The following AGPS variants were observed in gnomAD, a reference collection of about 807,000 sequenced individuals.
AGPS encodes alkyldihydroxyacetonephosphate synthase, peroxisomal.
In AGPS, 26 loss-of-function variants were observed where a neutral mutation model predicts 90.7. The ratio of observed to expected loss-of-function variants is 0.29; its 90% CI spans 0.21 to 0.40. The LOEUF (loss-of-function observed/expected upper bound fraction) is 0.40. Among genes scored for constraint, AGPS ranks in the 10% least tolerant of loss-of-function variants. The probability of loss-of-function intolerance (pLI) is 1.00; values close to 1 mark genes in which losing one functional copy is unlikely to be tolerated. For synonymous variants in AGPS, 294 were observed against 285.3 expected, an observed-to-expected ratio of 1.03 and a Z score of -0.31; for missense variants, 540 against 816.1, an observed-to-expected ratio of 0.66 and a Z score of 4.12.
At chr2:177,479,672 G>A (rs1320179606) in intron 10 of AGPS, among the ~76,000 whole-genome samples, 3 of 152,182 alleles carry the variant, frequency 2.0e-5, no homozygotes, top group Non-Finnish European at 4.4e-5. Flanking sequence ...CCAGTCAGAA[G>A]GCCAGATATT....
chr2:177,394,472 C>T (rs1685111865), intron 1 of AGPS, among the ~76,000 whole-genome samples: 1 of 152,046 alleles, frequency 6.6e-6, no homozygotes, highest in African/African-American at 2.4e-5. Flanking sequence ...TGCTGAGACT[C>T]AAGTGTAGTA....
chr2:177,429,712 G>C (rs976788436), intron 2 of AGPS, among the ~76,000 whole-genome samples: 1 of 152,136 alleles, frequency 6.6e-6, no homozygotes, highest in Admixed American at 6.5e-5. Context: ...TCCCAGGGTG[G>C]GTAGTGACCT....
At chr2:177,433,357 A>G (rs1417850335) in intron 2 of AGPS, among the ~76,000 whole-genome samples, 9 of 152,370 alleles carry the variant, frequency 5.9e-5, no homozygotes, top group East Asian at 3.9e-4. Context: ...AATGTCTCAG[A>G]TTCAATTATA....
chr2:177,450,976 T>A (rs867332389), intron 8 of AGPS, among the ~76,000 whole-genome samples: 2 of 938 alleles, frequency 2.1e-3, no homozygotes, highest in East Asian at 0.028. Flanking sequence ...ATATATATAT[T>A]TTAGAGACAA....
intron 2 of AGPS, 79 bp from the exon 3 acceptor site, chr2:177,434,248 A>G (rs1031249463): frequency 1.2e-4 from 120 of 1,014,150 alleles, no homozygotes; most frequent in Middle Eastern, 4.4e-4. Context: ...CTGCTTGACC[A>G]TCACTGGAAG....
intron 7 of AGPS, among the ~76,000 whole-genome samples, chr2:177,442,731 C>T (rs554007238): frequency 6.1e-4 from 92 of 151,246 alleles, no homozygotes; most frequent in African/African-American, 2.2e-3. Flanking sequence ...CCTGTAATCC[C>T]AGCTACTTGG....
intron 16 of AGPS, among the ~76,000 whole-genome samples, chr2:177,509,592 G>A (rs1688810165): frequency 6.6e-6 from 1 of 151,570 alleles, no homozygotes; most frequent in Admixed American, 6.6e-5. Flanking sequence ...TGTGAACCCG[G>A]GAGGCGGGGC....
At chr2:177,423,362 T>C (rs1187183518) in intron 2 of AGPS, among the ~76,000 whole-genome samples, 1 of 152,322 alleles carries the variant, frequency 6.6e-6, no homozygotes. Flanking sequence ...TCACTCTTAT[T>C]TATTAATAAT....
intron 3 of AGPS, among the ~76,000 whole-genome samples, 159 bp downstream of exon 3, chr2:177,434,576 G>A (rs1043798390): frequency 1.3e-5 from 2 of 152,030 alleles, no homozygotes; most frequent in Admixed American, 6.5e-5. Flanking sequence ...GACTGTTAGC[G>A]GCAGTTATTC....
At chr2:177,461,748 CTTTTTT>C in intron 8 of AGPS, 139 bp from the exon 9 acceptor site, 10 of 466,986 alleles carry the variant, frequency 2.1e-5, no homozygotes, top group Non-Finnish European at 2.8e-5. Flanking sequence ...ATAAAAGTAT[CTTTTTT>C]TTTTTTTTTT....
At chr2:177,402,299 G>A (rs897707657) in intron 1 of AGPS, among the ~76,000 whole-genome samples, 11 of 152,172 alleles carry the variant, frequency 7.2e-5, no homozygotes, top group Non-Finnish European at 1.3e-4. Flanking sequence ...AATATCCTAA[G>A]AGGAAATGCA....
At chr2:177,395,615 A>G (rs1249762107) in intron 1 of AGPS, among the ~76,000 whole-genome samples, 2 of 152,252 alleles carry the variant, frequency 1.3e-5, no homozygotes, top group Admixed American at 6.5e-5. Context: ...CAGCTACAGA[A>G]TCCAGCCTAA....
intron 5 of AGPS, 142 bp from the exon 6 acceptor site, chr2:177,440,823 A>C: frequency 1.5e-6 from 1 of 662,948 alleles, no homozygotes; most frequent in Non-Finnish European, 2.6e-6. Flanking sequence ...AAAGTGTTTT[A>C]GTACTCAATT....
intron 1 of AGPS, among the ~76,000 whole-genome samples, chr2:177,403,903 A>G (rs1040705309): frequency 6.6e-6 from 1 of 152,198 alleles, no homozygotes; most frequent in African/African-American, 2.4e-5. Context: ...TATTATAGAG[A>G]ATGCTGTGGT....
chr2:177,479,072 C>G (rs1322571257), intron 10 of AGPS, among the ~76,000 whole-genome samples: 1 of 152,148 alleles, frequency 6.6e-6, no homozygotes, highest in Non-Finnish European at 1.5e-5. Flanking sequence ...CTCTGAACCA[C>G]GGCTCAGGAG....
chr2:177,417,385 G>GTA (rs1164478752), intron 1 of AGPS, among the ~76,000 whole-genome samples: 1 of 152,160 alleles, frequency 6.6e-6, no homozygotes, highest in Non-Finnish European at 1.5e-5. Flanking sequence ...ATCTCATTGT[G>GTA]TATATGTAAA....
chr2:177,485,064 G>T (rs557071995), intron 11 of AGPS, among the ~76,000 whole-genome samples: 2 of 152,046 alleles, frequency 1.3e-5, no homozygotes, highest in African/African-American at 4.8e-5. Flanking sequence ...CACCATGCCC[G>T]GCCCCAAATT....
intron 9 of AGPS, among the ~76,000 whole-genome samples, chr2:177,462,246 A>C (rs1030527652): frequency 5.3e-5 from 8 of 151,756 alleles, no homozygotes; most frequent in South Asian, 4.2e-4. Context: ...AAAAAAAATT[A>C]GTCGGGTGTG....
At chr2:177,409,427 G>A (rs1685557284) in intron 1 of AGPS, among the ~76,000 whole-genome samples, 1 of 146,760 alleles carries the variant, frequency 6.8e-6, no homozygotes, top group South Asian at 2.1e-4. Context: ...AGCCTAATTT[G>A]TATTTTAGTG....
Sources: allele counts gnomAD v4.1 joint callset (sites outside exome capture counted in the v4.1 genomes callset), GRCh38; gene constraint gnomAD v4.1.1; transcripts MANE v1.5; gene names NCBI Gene and HGNC (gene_info 2026-07-23, HGNC 2026-07-21).